SLC17A3: variants seen among roughly 807,000 people sequenced by gnomAD.
The protein encoded by SLC17A3 is sodium-dependent phosphate transport protein 4.
A neutral mutation model predicts 60.3 loss-of-function variants in SLC17A3; 61 were observed. That is an observed-to-expected ratio of 1.01 (90% CI 0.82 to 1.25). The LOEUF is 1.25. SLC17A3 is among the 50% of genes most tolerant of loss of function. The probability of loss-of-function intolerance (pLI) is 0.00; values close to 1 mark genes in which losing one functional copy is unlikely to be tolerated. For missense variants in SLC17A3, 624 were observed against 594.9 expected (o/e 1.05, Z -0.51); for synonymous variants, 192 against 208.9 (o/e 0.92, Z 0.70).
At chr6:25,851,747 ATC>A (rs1259467975) in intron 6 of SLC17A3, among the ~76,000 whole-genome samples, 1 of 152,082 alleles carries the variant, frequency 6.6e-6, no homozygotes, top group Non-Finnish European at 1.5e-5. Flanking sequence ...TGTTTCATTG[ATC>A]TATTTGCCAA....
intron 2 of SLC17A3, among the ~76,000 whole-genome samples, chr6:25,864,191 G>C (rs890646987): frequency 1.3e-5 from 2 of 151,922 alleles, no homozygotes; most frequent in Non-Finnish European, 2.9e-5. Flanking sequence ...GAGTGAGCCA[G>C]GGGTACAAGA....
In SLC17A3 at chr6:25,855,209, G is replaced by T; in HGVS notation, c.647C>A (p.Thr216Asn). ...ALSGMLLGCF[T>N]AILIGGFISE... is the part of the protein sequence containing the mutation. Reference sequence around the variant, plus strand: ...AATGAAGCCACCTATGAGGATGGCAGTAAAGCATCCCAGTAACATTCCTGC... The same window carrying T: ...AATGAAGCCACCTATGAGGATGGCATTAAAGCATCCCAGTAACATTCCTGC... Residue 216 changes from threonine to asparagine, a missense_variant, in exon 6 of 13, where the codon ACT (threonine) becomes AAT (asparagine). By Grantham distance (65) the Thr-to-Asn change is moderately conservative. Transcript: ENST00000397060. The T allele has an allele frequency of 6.2e-7, 1 of 1,613,318 alleles. No homozygotes were observed. The highest frequency in any genetic ancestry group is 8.5e-7 in the Non-Finnish European group (1 of 1,179,442).
intron 6 of SLC17A3, among the ~76,000 whole-genome samples, chr6:25,854,167 T>C (rs1765323614): frequency 1.3e-5 from 2 of 152,216 alleles, no homozygotes; most frequent in Admixed American, 1.3e-4. Context: ...TGAAAATAAG[T>C]ACTCTACTGT....
intron 10 of SLC17A3, 23 bp from the exon 11 acceptor site, chr6:25,849,487 G>A (rs758881323): frequency 1.5e-5 from 22 of 1,456,264 alleles, no homozygotes; most frequent in East Asian, 6.8e-5. Flanking sequence ...GGAATGTTCC[G>A]GTCTAGATCC....
At chr6:25,871,396 AC>A (rs1765637966) in intron 1 of SLC17A3, among the ~76,000 whole-genome samples, 1 of 151,226 alleles carries the variant, frequency 6.6e-6, no homozygotes, top group Admixed American at 6.6e-5. Context: ...AGGACAAAAA[AC>A]CAAACACTGC....
chr6:25,848,192 T>G (rs759372674), intron 11 of SLC17A3, among the ~76,000 whole-genome samples: 6 of 152,216 alleles, frequency 3.9e-5, no homozygotes, highest in Non-Finnish European at 7.3e-5. Flanking sequence ...AATTGTGAAT[T>G]GTGCTGCCAT....
chr6:25,845,581 A>C, intron 11 of SLC17A3, 65 bp from the exon 12 acceptor site: 2 of 1,568,486 alleles, frequency 1.3e-6, no homozygotes, highest in Non-Finnish European at 1.8e-6. Flanking sequence ...CATTATATTA[A>C]TAGTTCAGAT....
Position 25,845,438 on chromosome 6 carries a change from A to G in SLC17A3, c.1441T>C (p.Phe481Leu), listed in dbSNP as rs750691656. 6 of 1,614,034 alleles carry G rather than the reference A, an allele frequency of 3.7e-6. No individual in the cohort carries two copies. The Admixed American group carries it at 6.7e-5, about 18-fold the overall frequency. ...CATTCTTGGACATCTGCTTCTCCAAATATGAGGTAGAAGAGTAGTCCTAAC... is the reference window on the plus strand; with the variant it reads ...CATTCTTGGACATCTGCTTCTCCAAGTATGAGGTAGAAGAGTAGTCCTAAC... The part of the protein sequence containing the change: ...NLLGLLFYLI[F>L]GEADVQEWAK... The change falls in exon 12 of 13, where the codon TTT (phenylalanine) becomes CTT (leucine). Residue 481 changes from phenylalanine (F) to leucine (L), a missense_variant. Phe to Leu is a conservative substitution (Grantham distance 22). Transcript: ENST00000397060.
chr6:25,865,035 G>A (rs1765512570), intron 2 of SLC17A3, among the ~76,000 whole-genome samples: 1 of 151,900 alleles, frequency 6.6e-6, no homozygotes, highest in African/African-American at 2.4e-5. Context: ...TACTTCAAAT[G>A]TCTGTGATAG....
chr6:25,856,479 TC>T (rs1381258665), intron 5 of SLC17A3, among the ~76,000 whole-genome samples: 1 of 152,184 alleles, frequency 6.6e-6, no homozygotes. Context: ...CCTCAAGTGA[TC>T]CTTCCATCTT....
chr6:25,851,618 T>A (rs974585862), intron 6 of SLC17A3, among the ~76,000 whole-genome samples: 6 of 152,142 alleles, frequency 3.9e-5, no homozygotes, highest in Admixed American at 3.9e-4. Flanking sequence ...CATGTGGATA[T>A]CCAATTTTTG....
At chr6:25,849,230 C>T in intron 11 of SLC17A3, 144 bp downstream of exon 11, 3 of 663,768 alleles carry the variant, frequency 4.5e-6, no homozygotes, top group Admixed American at 2.2e-5. Context: ...AGAAATGATT[C>T]TATATTTTTC....
intron 11 of SLC17A3, among the ~76,000 whole-genome samples, chr6:25,846,217 G>T (rs143124210): frequency 6.6e-6 from 1 of 152,094 alleles, no homozygotes; most frequent in African/African-American, 2.4e-5. Flanking sequence ...AGAATTACTT[G>T]CCTTTAATAA....
At chr6:25,862,574 G>A (rs1167577520) in intron 2 of SLC17A3, 130 bp from the exon 3 acceptor site, 2 of 808,856 alleles carry the variant, frequency 2.5e-6, no homozygotes, top group African/African-American at 1.7e-5. Flanking sequence ...ACTTCTGTTG[G>A]CTTTATGAAA....
At chr6:25,859,658 A>T (rs931713677) in intron 5 of SLC17A3, among the ~76,000 whole-genome samples, 1 of 152,178 alleles carries the variant, frequency 6.6e-6, no homozygotes, top group Non-Finnish European at 1.5e-5. Context: ...AGTGCATGTC[A>T]TTGGCCCTGA....
intron 2 of SLC17A3, 41 bp from the exon 3 acceptor site, chr6:25,862,485 G>T (rs775343623): frequency 1.3e-6 from 2 of 1,489,004 alleles, no homozygotes; most frequent in East Asian, 2.3e-5. Context: ...TTTTAAAATT[G>T]AGCTAACATT....
rs746967458 is a variant in SLC17A3 at position 25,849,895 on chromosome 6, A to T, written c.1181T>A (p.Ile394Asn). The part of the protein sequence containing the change: ...VSLPYLNSGY[I>N]TATALLTLSC... ...GAGCGTCAGCAAGGCAGTTGCTGTG[A>T]TATAGCCGGAATTGAGGTAAGGCAG... The change falls in exon 10 of 13, where the codon ATC becomes AAC. Residue 394 changes from isoleucine to asparagine, a missense_variant. Physicochemically the swap from Ile to Asn is moderately radical, Grantham distance 149. Coordinates refer to ENST00000397060, the MANE Select transcript of SLC17A3 (RefSeq NM_001098486.2). 6.2e-7 allele frequency: 1 copy of T among 1,614,050 alleles called. No homozygotes were observed. The highest frequency in any genetic ancestry group is 8.5e-7 in the Non-Finnish European group (1 of 1,179,862).
At chr6:25,861,512 T>C in intron 5 of SLC17A3, 112 bp downstream of exon 5, 4 of 863,014 alleles carry the variant, frequency 4.6e-6, no homozygotes, top group South Asian at 2.7e-5. Flanking sequence ...AATTTAAAAA[T>C]ACTTCACTGA....
intron 5 of SLC17A3, among the ~76,000 whole-genome samples, chr6:25,857,972 TTGAA>T (rs1298193629): frequency 1.3e-5 from 2 of 152,166 alleles, no homozygotes; most frequent in Non-Finnish European, 2.9e-5. Context: ...TCCTCAACTC[TTGAA>T]TGTTTCCCAT....
Sources: gnomAD v4.1 joint callset for allele counts (sites outside exome capture counted in the v4.1 genomes callset) on GRCh38, gnomAD v4.1.1 for gene constraint, MANE v1.5 for transcripts, NCBI Gene and HGNC (gene_info 2026-07-23, HGNC 2026-07-21) for gene names.